DDX3X: variants seen among roughly 807,000 people sequenced by gnomAD.
DDX3X encodes ATP-dependent RNA helicase DDX3X.
In DDX3X, 4 loss-of-function variants were observed where a neutral mutation model predicts 52.7. That is an observed-to-expected ratio of 0.08 (90% CI 0.04 to 0.17). The LOEUF (loss-of-function observed/expected upper bound fraction) is 0.17. DDX3X is among the 10% of genes least tolerant of loss of function. DDX3X has a pLI of 1.00. For synonymous variants in DDX3X, 192 were observed against 178.1 expected, an observed-to-expected ratio of 1.08 and a Z score of -0.62; for missense variants, 222 against 548.6, an observed-to-expected ratio of 0.40 and a Z score of 5.95.
At chrX:41,345,926 G>T in intron 12 of DDX3X, 1 of 291,780 alleles carries the variant, frequency 3.4e-6, no homozygotes. Flanking sequence ...TTTGGGCTGG[G>T]TGCAGTGGTA....
Position 41,347,887 on chromosome X carries a change from A to G in DDX3X, c.*168A>G. 2.3e-6 allele frequency: 1 copy of G among 428,385 alleles called. No individual in the cohort carries two copies. The allele number at this position is 428,385 out of a possible 1,213,427, so 35.3% of individuals were successfully genotyped here. A position where few individuals can be genotyped will look rare whatever the true frequency, so the allele number is the denominator to read the frequency against. On this transcript the variant is annotated 3_prime_UTR_variant, in exon 17 of 17. Coordinates refer to ENST00000644876, the MANE Select transcript of DDX3X (RefSeq NM_001356.5). Reference sequence around the variant, plus strand: ...AGCTCAAGGTCACAAGAAGAAATGAAAGGAACAATCAGCAGCCCTGTTCAG... The same window carrying G: ...AGCTCAAGGTCACAAGAAGAAATGAGAGGAACAATCAGCAGCCCTGTTCAG...
rs370887135 is a variant in DDX3X at position 41,341,670 on chromosome X, C to T, written c.284+54C>T. On this transcript the variant is annotated intron_variant, in intron 4 of 16. Coordinates refer to ENST00000644876, the MANE Select transcript of DDX3X (RefSeq NM_001356.5). Reference sequence around the variant, plus strand: ...TATGTATAATAACAGTTTAATAAGTCGTTATCCTGACCACCTGTTTGGATG... The same window carrying T: ...TATGTATAATAACAGTTTAATAAGTTGTTATCCTGACCACCTGTTTGGATG... 1.0e-5 allele frequency: 11 copies of T among 1,100,315 alleles called. No individual in the cohort carries two copies. The African/African-American group carries it at 1.1e-4, about 11-fold the overall frequency. 90.7% of individuals were successfully genotyped at this position (1,100,315 alleles called of 1,213,427 possible). A position where few individuals can be genotyped will look rare whatever the true frequency, so the allele number is the denominator to read the frequency against.
rs772341642 is a variant in DDX3X at position 41,334,333 on chromosome X, G to A, written c.45+36G>A. The A allele has an allele frequency of 1.0e-5, 12 of 1,202,381 alleles. No homozygotes were observed. The African/African-American group carries it at 1.7e-4, about 17-fold the overall frequency. ...AGAACCCCACCGGGCTGGCTGCTGC[G>A]TGAATTCCTCCCCTGACCTAACCTG... On this transcript the variant is annotated intron_variant, in intron 1 of 16. Transcript: ENST00000644876.
At chrX:41,350,909 C>G (rs970979885), downstream of DDX3X, 1 of 111,889 alleles carries the variant, frequency 8.9e-6, no homozygotes, top group South Asian at 3.7e-4. Context: ...GCTTTTGTTT[C>G]AGTAAGTTGA....
Position 41,334,167 on chromosome X carries a change from C to T in DDX3X, c.-86C>T, listed in dbSNP as rs2063718653. The T allele has an allele frequency of 1.4e-5, 14 of 1,007,253 alleles. No homozygotes were observed. Among genetic ancestry groups the T allele is most frequent in the Middle Eastern group, 2.7e-4 (1 of 3,773 alleles). 83.0% of individuals were successfully genotyped at this position (1,007,253 alleles called of 1,213,427 possible). ...GTGGCCGCGCGGTGCGCTCCAGAGCCGCAGTTCTCCCGTGAGAGGGCCTTC... is the reference window on the plus strand; with the variant it reads ...GTGGCCGCGCGGTGCGCTCCAGAGCTGCAGTTCTCCCGTGAGAGGGCCTTC... On this transcript the variant is annotated 5_prime_UTR_variant, in exon 1 of 17. Transcript: ENST00000644876.
chrX:41,351,310 ACATT>A (rs1181761029), downstream of DDX3X: 2 of 112,343 alleles, frequency 1.8e-5, no homozygotes, highest in Non-Finnish European at 3.8e-5. Flanking sequence ...TTTACATACT[ACATT>A]AATGTGGTTT....
At position 41,343,789 on chromosome X, in the gene DDX3X, A is replaced by C; in HGVS notation, c.732A>C (p.Ser244=). 8.3e-7 allele frequency: 1 copy of C among 1,210,535 alleles called. No individual in the cohort carries two copies. ...FLLPILSQIY[S]DGPGEALRAM... is the part of the protein sequence containing the mutation. ...TGCCCATCTTGAGTCAGATTTATTC[A>C]GATGGTCCAGGCGAGGCTTTGAGGG... The change falls in exon 8 of 17, where the codon TCA becomes TCC. Residue 244 remains serine, a synonymous_variant. Transcript: ENST00000644876.
chrX:41,340,718 T>C (rs1395109458), intron 3 of DDX3X: 4 of 295,181 alleles, frequency 1.4e-5, no homozygotes, highest in Non-Finnish European at 2.4e-5. Flanking sequence ...TTGTACTTTA[T>C]ACTATTGAAA....
intron 3 of DDX3X, 143 bp from the exon 4 acceptor site, chrX:41,341,341 C>G (rs1469018132): frequency 4.3e-6 from 2 of 465,613 alleles, no homozygotes; most frequent in Non-Finnish European, 6.9e-6. Context: ...CGGGTGTAAA[C>G]CAGCTTTAAA....
chrX:41,343,161 A>G (rs1259341744), intron 6 of DDX3X, 55 bp from the exon 7 acceptor site: 12 of 1,159,826 alleles, frequency 1.0e-5, no homozygotes, highest in Non-Finnish European at 1.4e-5. Flanking sequence ...CATTATTAGT[A>G]TAAAACAGAA....
chrX:41,347,529 C>T (rs891805898), intron 16 of DDX3X, 78 bp downstream of exon 16: 2 of 1,169,827 alleles, frequency 1.7e-6, no homozygotes, highest in Non-Finnish European at 2.3e-6. Context: ...CCTAATTAAA[C>T]AATTTAAGTT....
intron 5 of DDX3X, chrX:41,364,212 G>A: frequency 3.4e-6 from 1 of 296,145 alleles, no homozygotes; most frequent in Non-Finnish European, 5.9e-6. Flanking sequence ...CATGGGGCGG[G>A]TGCCCCTTCC....
chrX:41,359,059 A>G lies in DDX3X; in HGVS notation c.655-5215A>G, dbSNP rs113189438. On this transcript the variant is annotated intron_variant, in intron 5 of 5. Transcript: ENST00000616050. ...GCGTGAGCCACTGTGCCTGGCCTGT[A>G]CAGGAATTTTGAAGAAATCTACAGT... Among the ~76,000 whole-genome samples the G allele has an allele frequency of 8.8e-3, 986 of 112,391 alleles. 11 individuals are homozygous for G. Among genetic ancestry groups the G allele is most frequent in the African/African-American group, 0.029 (909 of 31,041 alleles).
At chrX:41,337,232 A>C (rs889024387) in intron 1 of DDX3X, among the ~76,000 whole-genome samples, 176 bp from the exon 2 acceptor site, 7 of 112,670 alleles carry the variant, frequency 6.2e-5, no homozygotes, top group Non-Finnish European at 1.3e-4. Flanking sequence ...TGCTTAGAGC[A>C]TTGCAGACTT....
At chrX:41,337,200 T>C (rs959999987) in intron 1 of DDX3X, among the ~76,000 whole-genome samples, 1 of 112,516 alleles carries the variant, frequency 8.9e-6, no homozygotes, top group African/African-American at 3.2e-5. Flanking sequence ...TTCTGTAGTA[T>C]ATACAATAGT....
intron 5 of DDX3X, among the ~76,000 whole-genome samples, chrX:41,360,466 A>G (rs975552837): frequency 9.2e-6 from 1 of 108,591 alleles, no homozygotes; most frequent in African/African-American, 3.3e-5. Context: ...TATTTGAGAC[A>G]GGGTCTTACC....
At chrX:41,345,144 C>G in intron 10 of DDX3X, 36 bp from the exon 11 acceptor site, 1 of 1,195,832 alleles carries the variant, frequency 8.4e-7, no homozygotes, top group East Asian at 3.0e-5. Flanking sequence ...TCCTCAAATT[C>G]TAAACTCAGG....
rs1446035893 is a variant in DDX3X at position 41,350,191 on chromosome X, A to T, written c.*2472A>T. ...GCATATTCTGATTTTATTAAAATAAAAAGTTGAACTGCACAGTCTCCTTTG... is the reference window on the plus strand; with the variant it reads ...GCATATTCTGATTTTATTAAAATAATAAGTTGAACTGCACAGTCTCCTTTG... On this transcript the variant is annotated 3_prime_UTR_variant, in exon 17 of 17. Coordinates refer to ENST00000644876, the MANE Select transcript of DDX3X (RefSeq NM_001356.5). The T allele has an allele frequency of 1.8e-5, 2 of 112,521 alleles. No homozygotes were observed. Among genetic ancestry groups the T allele is most frequent in the Non-Finnish European group, 1.9e-5 (1 of 53,277 alleles). The allele number at this position is 112,521 out of a possible 1,213,427, so 9.3% of individuals were successfully genotyped here.
intron 4 of DDX3X, chrX:41,342,278 C>A (rs1383189952): frequency 5.1e-6 from 2 of 393,385 alleles, no homozygotes; most frequent in East Asian, 8.5e-5. Flanking sequence ...TTAGGCTATA[C>A]AACTTTATAG....
Sources: gnomAD v4.1 joint callset for allele counts (sites outside exome capture counted in the v4.1 genomes callset) on GRCh38, gnomAD v4.1.1 for gene constraint, MANE v1.5 for transcripts, NCBI Gene and HGNC (gene_info 2026-07-23, HGNC 2026-07-21) for gene names.